The following KMT5B variants were observed in gnomAD, a reference collection of about 807,000 sequenced individuals.
The protein encoded by KMT5B is histone-lysine N-methyltransferase KMT5B.
KMT5B carries 10 observed loss-of-function variants against 83.2 expected under a neutral mutation model. That is an observed-to-expected ratio of 0.12 (90% confidence interval 0.07 to 0.20). The LOEUF (loss-of-function observed/expected upper bound fraction) is 0.20. KMT5B is among the 10% of genes least tolerant of loss of function. The pLI, the probability that KMT5B is intolerant of heterozygous loss-of-function variation, is 1.00. For synonymous variants in KMT5B, 349 were observed against 388.8 expected, an observed-to-expected ratio of 0.90 and a Z score of 1.20; for missense variants, 753 against 1,067.2, an observed-to-expected ratio of 0.71 and a Z score of 4.10.
At chr11:68,208,253 C>T (rs66776656) in intron 1 of KMT5B, among the ~76,000 whole-genome samples, 18,549 of 151,572 alleles carry the variant, frequency 0.12, 1,298 homozygotes, top group East Asian at 0.23. Flanking sequence ...TCAAGACCAG[C>T]CTGGCCAACA....
intron 1 of KMT5B, among the ~76,000 whole-genome samples, chr11:68,211,613 TAAC>T (rs889986830): frequency 4.6e-5 from 7 of 152,164 alleles, no homozygotes; most frequent in African/African-American, 1.7e-4. Context: ...GCGGACGAGA[TAAC>T]AAGAGACTCA....
Position 68,167,064 on chromosome 11 carries a change from T to C in KMT5B, c.1092A>G (p.Leu364=). The C allele has an allele frequency of 6.2e-7, 1 of 1,614,204 alleles. No homozygotes were observed. Among genetic ancestry groups the C allele is most frequent in the Non-Finnish European group, 8.5e-7 (1 of 1,180,036 alleles). Residue 364 remains leucine, a synonymous_variant, in exon 10 of 11, where the codon TTA becomes TTG. Coordinates refer to ENST00000304363, the MANE Select transcript of KMT5B (RefSeq NM_017635.5). ...TDKRLNRLKK[L]GDSSKNSDSQ... ...TGTCTGAATTTTTGCTGCTGTCACC[T>C]AACTTTTTAAGCCTATTTAAACGTT... is the stretch of plus-strand genomic sequence containing the variant.
At chr11:68,184,808 T>G (rs893845162) in intron 3 of KMT5B, among the ~76,000 whole-genome samples, 7 of 152,208 alleles carry the variant, frequency 4.6e-5, no homozygotes, top group African/African-American at 1.7e-4. Context: ...GATACATTTG[T>G]GAAATGATCT....
At chr11:68,198,449 AGAC>A (rs1858994467) in intron 1 of KMT5B, among the ~76,000 whole-genome samples, 1 of 71,210 alleles carries the variant, frequency 1.4e-5, no homozygotes, top group African/African-American at 1.3e-4. Context: ...AGACAAGACA[AGAC>A]AAGACAAGAC....
chr11:68,171,308 A>G lies in KMT5B; in HGVS notation c.821-57T>C, dbSNP rs766241017. ...ACTGTTGATAAGATCTGAAACACGA[A>G]CAATTATAGAAATCTGAAATAAGCT... is the stretch of plus-strand genomic sequence containing the variant. On this transcript the variant is annotated intron_variant, in intron 7 of 10. Transcript: ENST00000304363. The surrounding 1 kb of genome is among the most constrained non-coding windows in gnomAD (Gnocchi z 5.1). 21 of 1,580,100 alleles carry G rather than the reference A, an allele frequency of 1.3e-5. No individual in the cohort carries two copies. The African/African-American group carries it at 2.2e-4, about 16-fold the overall frequency.
At chr11:68,204,395 T>G (rs534815390) in intron 1 of KMT5B, among the ~76,000 whole-genome samples, 1 of 152,252 alleles carries the variant, frequency 6.6e-6, no homozygotes, top group East Asian at 1.9e-4. Flanking sequence ...CAAATGACTT[T>G]ATAAGAGGCA....
intron 5 of KMT5B, chr11:68,174,232 C>CA (rs1856127530): frequency 4.8e-6 from 2 of 413,754 alleles, no homozygotes; most frequent in African/African-American, 2.1e-5. Context: ...ATAAAATAAA[C>CA]AAAAAAAGTA....
At chr11:68,211,751 G>C (rs922445264) in intron 1 of KMT5B, among the ~76,000 whole-genome samples, 1 of 152,192 alleles carries the variant, frequency 6.6e-6, no homozygotes, top group Non-Finnish European at 1.5e-5. Flanking sequence ...GAGGAATGCC[G>C]GGCAGGGCAC....
intron 6 of KMT5B, among the ~76,000 whole-genome samples, chr11:68,172,388 C>T (rs527808024): frequency 7.3e-5 from 11 of 150,244 alleles, no homozygotes; most frequent in Non-Finnish European, 7.4e-5. Context: ...TGCCACCACA[C>T]CTAGCTCATT....
intron 3 of KMT5B, among the ~76,000 whole-genome samples, chr11:68,181,940 C>G (rs1329381419): frequency 6.6e-6 from 1 of 152,198 alleles, no homozygotes; most frequent in African/African-American, 2.4e-5. Flanking sequence ...TGCTAGGAAC[C>G]CAGGCTGCTC....
chr11:68,191,655 A>G (rs1182147515), intron 1 of KMT5B, among the ~76,000 whole-genome samples: 3 of 152,202 alleles, frequency 2.0e-5, no homozygotes, highest in South Asian at 4.1e-4. Flanking sequence ...TTGTATAGCT[A>G]TATGTGTTTG....
chr11:68,189,972 C>A lies in KMT5B; in HGVS notation c.105G>T (p.Thr35=). The A allele has an allele frequency of 6.2e-7, 1 of 1,614,140 alleles. No individual in the cohort carries two copies. Among genetic ancestry groups the A allele is most frequent in the Non-Finnish European group, 8.5e-7 (1 of 1,180,020 alleles). ...TGCCAGCCTTCAGGGTGTCCTTCCC[C>A]GTGTGCTGTAATTTTGATTGATTCT... The part of the protein sequence containing the change: ...HQQNQSKLQH[T]GKDTLKAGKN... The change falls in exon 2 of 11, where the codon ACG becomes ACT. Residue 35 remains threonine, a synonymous_variant. Coordinates refer to ENST00000304363, the MANE Select transcript of KMT5B (RefSeq NM_017635.5).
intron 1 of KMT5B, among the ~76,000 whole-genome samples, chr11:68,204,231 G>A (rs1859791325): frequency 6.6e-6 from 1 of 152,210 alleles, no homozygotes; most frequent in African/African-American, 2.4e-5. Flanking sequence ...GCAGACTGTA[G>A]TATGGTGGAA....
In KMT5B at chr11:68,173,929, A is replaced by AG. The variant is rs1381306387; in HGVS notation, c.544-17_544-16insC. 5 of 1,527,058 alleles carry AG rather than the reference A, an allele frequency of 3.3e-6. No individual in the cohort carries two copies. Among genetic ancestry groups the AG allele is most frequent in the African/African-American group, 1.4e-5 (1 of 72,498 alleles). 94.6% of individuals were successfully genotyped at this position (1,527,058 alleles called of 1,614,324 possible). The stretch of plus-strand genomic sequence containing the variant: ...AAATAAATACCTAAAACAGGAAAAA[A>AG]AAATTGATAATGACTTTAAATGGTA... On this transcript the variant is annotated splice_polypyrimidine_tract_variant and intron_variant, in intron 5 of 10. Transcript: ENST00000304363.
chr11:68,205,239 G>A (rs1159087626), intron 1 of KMT5B, among the ~76,000 whole-genome samples: 1 of 152,098 alleles, frequency 6.6e-6, no homozygotes, highest in Non-Finnish European at 1.5e-5. Context: ...GATCATGGGA[G>A]TCCAGGAGGT....
At chr11:68,184,262 C>T (rs1052759184) in intron 3 of KMT5B, among the ~76,000 whole-genome samples, 7 of 152,012 alleles carry the variant, frequency 4.6e-5, no homozygotes, top group African/African-American at 1.7e-4. Flanking sequence ...ATCCCAGCTA[C>T]TTGGGAAACT....
intron 1 of KMT5B, among the ~76,000 whole-genome samples, chr11:68,195,307 C>T (rs778768207): frequency 6.6e-6 from 1 of 152,198 alleles, no homozygotes; most frequent in Non-Finnish European, 1.5e-5. Flanking sequence ...AGTTGGTAAC[C>T]AACAAAGTCA....
rs117119697 is a variant in KMT5B at position 68,193,606 on chromosome 11, T to C, written c.-76-3454A>G. 4.4e-4 allele frequency among the ~76,000 whole-genome samples: 67 copies of C among 152,288 alleles called. No individual in the cohort carries two copies. In the East Asian group the frequency reaches 9.8e-3, roughly 22 times the overall value. On this transcript the variant is annotated intron_variant, in intron 1 of 10. Coordinates refer to ENST00000304363, the MANE Select transcript of KMT5B (RefSeq NM_017635.5). ...TTCCCTTACTATTTAAATTCGATTATAGTATTTAACTTTTAACGTGCCTTT... is the reference window on the plus strand; with the variant it reads ...TTCCCTTACTATTTAAATTCGATTACAGTATTTAACTTTTAACGTGCCTTT...
intron 1 of KMT5B, among the ~76,000 whole-genome samples, chr11:68,200,523 A>AG (rs1859303116): frequency 6.6e-6 from 1 of 152,216 alleles, no homozygotes; most frequent in African/African-American, 2.4e-5. Flanking sequence ...CTTTGCTTTA[A>AG]GAAACAGATG....
Sources: gnomAD v4.1 joint callset for allele counts (sites outside exome capture counted in the v4.1 genomes callset) on GRCh38, gnomAD v4.1.1 for gene constraint, Gnocchi (gnomAD v3.1) non-coding constraint, MANE v1.5 for transcripts, NCBI Gene and HGNC (gene_info 2026-07-23, HGNC 2026-07-21) for gene names.